Variants in UBLCP1 observed in about 807,000 individuals in gnomAD.
UBLCP1 encodes ubiquitin like domain containing CTD phosphatase 1.
In UBLCP1, 28 loss-of-function variants were observed where a neutral mutation model predicts 42.4. The observed-to-expected ratio is 0.66, with a 90% CI of 0.49 to 0.90. The LOEUF (loss-of-function observed/expected upper bound fraction) is 0.90. Among genes scored for constraint, UBLCP1 ranks in the 40% least tolerant of loss-of-function variants. The probability of loss-of-function intolerance (pLI) is 0.00; values close to 1 mark genes in which losing one functional copy is unlikely to be tolerated. For missense variants in UBLCP1, 279 were observed against 374.5 expected (o/e 0.75, Z 2.10); for synonymous variants, 122 against 120.8 (o/e 1.01, Z -0.07).
chr5:159,278,761 C>T (rs1753570112), intron 9 of UBLCP1, among the ~76,000 whole-genome samples: 1 of 151,974 alleles, frequency 6.6e-6, no homozygotes, highest in Admixed American at 6.6e-5. Flanking sequence ...TTAGTAGAGA[C>T]AGGGTTTCAC....
intron 9 of UBLCP1, among the ~76,000 whole-genome samples, chr5:159,281,953 CATGTGTGCTTTAGGAAT>C (rs968421419): frequency 4.6e-5 from 7 of 150,726 alleles, no homozygotes; most frequent in African/African-American, 7.3e-5. Flanking sequence ...TCAGTCCTTA[CATGTGTGCTTTAGGAAT>C]ATGTGTGCTT....
At chr5:159,272,541 A>G (rs537569467) in intron 6 of UBLCP1, among the ~76,000 whole-genome samples, 4 of 152,132 alleles carry the variant, frequency 2.6e-5, no homozygotes, top group Admixed American at 1.3e-4. Context: ...GCATAAGCCA[A>G]TGTGCCCAGC....
intron 2 of UBLCP1, 83 bp from the exon 3 acceptor site, chr5:159,269,825 T>G: frequency 8.9e-7 from 1 of 1,122,650 alleles, no homozygotes; most frequent in South Asian, 1.4e-5. Flanking sequence ...ACCAAACCTT[T>G]TAATGTTAGG....
Position 159,270,589 on chromosome 5 carries a change from C to G in UBLCP1, c.394C>G (p.Pro132Ala). 1.2e-6 allele frequency: 2 copies of G among 1,611,344 alleles called. No homozygotes were observed. The highest frequency in any genetic ancestry group is 1.7e-6 in the Non-Finnish European group (2 of 1,179,164). The part of the protein sequence containing the change: ...VKEYKVEILN[P>A]PREGKKLLVL... Reference sequence around the variant, plus strand: ...AGAGTACAAAGTGGAAATTTTGAATCCTCCCAGGGAAGGGAAAAAGCTTTT... The same window carrying G: ...AGAGTACAAAGTGGAAATTTTGAATGCTCCCAGGGAAGGGAAAAAGCTTTT... The change falls in exon 5 of 11, where the codon CCT (proline) becomes GCT (alanine). Residue 132 changes from proline (P) to alanine (A), a missense_variant. Coordinates refer to ENST00000296786, the MANE Select transcript of UBLCP1 (RefSeq NM_145049.5).
chr5:159,270,577 G>A lies in UBLCP1; in HGVS notation c.382G>A (p.Glu128Lys), dbSNP rs773168747. ...ISRRVKEYKV[E>K]ILNPPREGKK... ...TCGCAGAGTGAAAGAGTACAAAGTG[G>A]AAATTTTGAATCCTCCCAGGGAAGG... The change falls in exon 5 of 11, where the codon GAA becomes AAA. Residue 128 changes from glutamate to lysine, a missense_variant. By Grantham distance (56) the Glu-to-Lys change is moderately conservative. Coordinates refer to ENST00000296786, the MANE Select transcript of UBLCP1 (RefSeq NM_145049.5). 3 of 1,611,564 alleles carry A rather than the reference G, an allele frequency of 1.9e-6. No homozygotes were observed. The highest frequency in any genetic ancestry group is 1.7e-6 in the Non-Finnish European group (2 of 1,179,230).
intron 10 of UBLCP1, 79 bp downstream of exon 10, chr5:159,283,418 T>C (rs1753631040): frequency 7.9e-6 from 9 of 1,145,004 alleles, no homozygotes; most frequent in Admixed American, 5.4e-5. Flanking sequence ...GACCCCAGTA[T>C]ATATATAGCT....
chr5:159,266,803 A>C (rs541989807), intron 1 of UBLCP1, among the ~76,000 whole-genome samples: 26 of 152,218 alleles, frequency 1.7e-4, no homozygotes, highest in Non-Finnish European at 3.1e-4. Flanking sequence ...GTGGCTTCAG[A>C]GGGTGGAAGC....
At chr5:159,281,637 G>C (rs929891257) in intron 9 of UBLCP1, among the ~76,000 whole-genome samples, 7 of 152,174 alleles carry the variant, frequency 4.6e-5, no homozygotes, top group African/African-American at 1.2e-4. Flanking sequence ...TCTGATGAGA[G>C]TAGAACACCT....
At chr5:159,264,070 G>A (rs1376755900) in intron 1 of UBLCP1, among the ~76,000 whole-genome samples, 1 of 152,172 alleles carries the variant, frequency 6.6e-6, no homozygotes, top group African/African-American at 2.4e-5. Context: ...ACAAAGTGCT[G>A]TCACAGGTGT....
intron 1 of UBLCP1, among the ~76,000 whole-genome samples, chr5:159,265,093 A>T (rs1000473698): frequency 6.6e-6 from 1 of 152,206 alleles, no homozygotes; most frequent in Non-Finnish European, 1.5e-5. Context: ...CTTGCTTTAC[A>T]TTTTCAGTAG....
intron 3 of UBLCP1, 31 bp from the exon 4 acceptor site, chr5:159,270,329 T>C (rs1171994293): frequency 2.0e-6 from 3 of 1,528,976 alleles, no homozygotes; most frequent in South Asian, 2.3e-5. Flanking sequence ...AAGGATAATA[T>C]GGTAGAACAA....
In UBLCP1 at chr5:159,275,403, ATTTTTTTTTTTTTTTT is replaced by A. The variant is rs56675251; in HGVS notation, c.684+169_684+184del. On this transcript the variant is annotated intron_variant, in intron 8 of 10. Coordinates refer to ENST00000296786, the MANE Select transcript of UBLCP1 (RefSeq NM_145049.5). The stretch of plus-strand genomic sequence containing the variant: ...AGGAAAATGTATTTAAGGTTAAAAG[ATTTTTTTTTTTTTTTT>A]TTTTTTTTTTTGAGATGGAGTCTCA... The A allele has an allele frequency of 8.5e-5, 14 of 164,416 alleles. No individual in the cohort carries two copies. The East Asian group carries it at 2.0e-3, about 23-fold the overall frequency. The allele number at this position is 164,416 out of a possible 1,614,324, so 10.2% of individuals were successfully genotyped here.
chr5:159,281,435 C>T (rs1753604263), intron 9 of UBLCP1, among the ~76,000 whole-genome samples: 1 of 152,162 alleles, frequency 6.6e-6, no homozygotes, highest in African/African-American at 2.4e-5. Flanking sequence ...TAAGCAAGGC[C>T]CTGTAAAGCG....
Position 159,278,246 on chromosome 5 carries a change from T to A in UBLCP1, c.693T>A (p.Pro231=), listed in dbSNP as rs1753562480. 1.2e-6 allele frequency: 2 copies of A among 1,609,552 alleles called. No homozygotes were observed. The highest frequency in any genetic ancestry group is 1.7e-6 in the Non-Finnish European group (2 of 1,176,040). ...TAAACTTTTATTCTAAGGTAAAGCC[T>A]CTTGGTGTTATATGGGGAAAGTTTT... ...TPRRGLIDVK[P]LGVIWGKFSE... Residue 231 remains proline, a synonymous_variant, in exon 9 of 11, where the codon CCT becomes CCA. Transcript: ENST00000296786.
intron 9 of UBLCP1, among the ~76,000 whole-genome samples, chr5:159,281,953 C>CATGTGTGCTTTAGGAAT (rs968421419): frequency 6.6e-6 from 1 of 150,726 alleles, no homozygotes; most frequent in African/African-American, 2.4e-5. Context: ...TCAGTCCTTA[C>CATGTGTGCTTTAGGAAT]ATGTGTGCTT....
At chr5:159,280,214 T>A (rs1328182243) in intron 9 of UBLCP1, among the ~76,000 whole-genome samples, 2 of 152,214 alleles carry the variant, frequency 1.3e-5, no homozygotes, top group African/African-American at 4.8e-5. Flanking sequence ...ATAAAATTAA[T>A]CTACCCAAGA....
At chr5:159,270,241 A>G in intron 3 of UBLCP1, 119 bp from the exon 4 acceptor site, 1 of 889,196 alleles carries the variant, frequency 1.1e-6, no homozygotes, top group East Asian at 2.5e-5. Context: ...GAAATTTTCC[A>G]GTATGGGCTT....
chr5:159,283,985 A>AT (rs1753638252), intron 10 of UBLCP1, among the ~76,000 whole-genome samples: 1 of 152,090 alleles, frequency 6.6e-6, no homozygotes, highest in Admixed American at 6.6e-5. Context: ...GTATTACAGT[A>AT]TTTGGGGGGG....
chr5:159,272,421 T>C (rs1753479503), intron 6 of UBLCP1, among the ~76,000 whole-genome samples: 1 of 152,104 alleles, frequency 6.6e-6, no homozygotes, highest in South Asian at 2.1e-4. Flanking sequence ...TTTTTTTTTT[T>C]TTTAACTAGG....
Sources: gnomAD v4.1 joint callset for allele counts (sites outside exome capture counted in the v4.1 genomes callset) on GRCh38, gnomAD v4.1.1 for gene constraint, MANE v1.5 for transcripts, NCBI Gene and HGNC (gene_info 2026-07-23, HGNC 2026-07-21) for gene names.